ANKRD44: variants seen among roughly 807,000 people sequenced by gnomAD.
The protein encoded by ANKRD44 is serine/threonine-protein phosphatase 6 regulatory ankyrin repeat subunit B.
A neutral mutation model predicts 116.0 loss-of-function variants in ANKRD44; 35 were observed. The ratio of observed to expected loss-of-function variants is 0.30; its 90% CI spans 0.23 to 0.40. The LOEUF (loss-of-function observed/expected upper bound fraction) is 0.40. ANKRD44 is among the 10% of genes least tolerant of loss of function. The pLI, the probability that ANKRD44 is intolerant of heterozygous loss-of-function variation, is 1.00. For missense variants in ANKRD44, 1,014 were observed against 1,242.6 expected, an observed-to-expected ratio of 0.82 and a Z score of 2.77; for synonymous variants, 435 against 461.8, an observed-to-expected ratio of 0.94 and a Z score of 0.74.
intron 1 of ANKRD44, among the ~76,000 whole-genome samples, chr2:197,303,319 C>A (rs1255211646): frequency 2.0e-5 from 3 of 152,214 alleles, no homozygotes; most frequent in Non-Finnish European, 2.9e-5. Context: ...AGAGAATTTT[C>A]TACCTGTTCC....
chr2:197,110,916 T>C, intron 8 of ANKRD44, 72 bp from the exon 9 acceptor site: 1 of 993,154 alleles, frequency 1.0e-6, no homozygotes, highest in Admixed American at 1.7e-5. Flanking sequence ...GAAATACCCC[T>C]ATGGACACTC....
rs879844362 is a variant in ANKRD44, at chr2:197,272,695, A to ATG, written c.27+37882_27+37883insCA. On this transcript the variant is annotated intron_variant, in intron 1 of 27. Transcript: ENST00000282272. The stretch of plus-strand genomic sequence containing the variant: ...CTGCCATTATGAAATAGACCCAGAG[A>ATG]GCTCCCTCACCCCTTCCATCATGTG... Among the ~76,000 whole-genome samples the ATG allele has an allele frequency of 2.8e-3, 431 of 152,272 alleles. 1 individual carries two copies. Among genetic ancestry groups the ATG allele is most frequent in the Non-Finnish European group, 4.6e-3 (311 of 68,032 alleles).
chr2:197,033,444 A>C (rs2124905024), intron 16 of ANKRD44, among the ~76,000 whole-genome samples: 1 of 152,288 alleles, frequency 6.6e-6, no homozygotes, highest in African/African-American at 2.4e-5. Context: ...GCCTTACATG[A>C]ATCATCTCAA....
At chr2:196,991,001 T>C (rs1302193135) in intron 27 of ANKRD44, 6 of 1,154,764 alleles carry the variant, frequency 5.2e-6, no homozygotes, top group Non-Finnish European at 6.5e-6. Context: ...CCACAGTACA[T>C]CTCGGATGAT....
At chr2:196,994,270 CCTT>C (rs1246387453) in intron 26 of ANKRD44, among the ~76,000 whole-genome samples, 1 of 151,994 alleles carries the variant, frequency 6.6e-6, no homozygotes, top group African/African-American at 2.4e-5. Context: ...GCAGCCTTGA[CCTT>C]CTGCTGGGCT....
rs1042866588 is a variant in ANKRD44, at chr2:196,993,622, G to A, written c.2884C>T (p.Leu962=). Reference sequence around the variant, plus strand: ...GCAAGTACACAGGCCCCTTTGGCCAGCAACTCCTCAACTACCACCTTTAAG... The same window carrying A: ...GCAAGTACACAGGCCCCTTTGGCCAACAACTCCTCAACTACCACCTTTAAG... ...NGLKVVVEEL[L]AKGACVLAVD... The change falls in exon 27 of 28, where the codon CTG becomes TTG. Residue 962 remains leucine, a synonymous_variant. Transcript: ENST00000282272. 1 of 1,550,958 alleles carries A rather than the reference G, an allele frequency of 6.4e-7. No individual in the cohort carries two copies. Among genetic ancestry groups the A allele is most frequent in the African/African-American group, 1.4e-5 (1 of 73,050 alleles).
At chr2:197,155,394 T>TATATTTCATTATATGCTAATGAATTA (rs1282509249) in intron 2 of ANKRD44, among the ~76,000 whole-genome samples, 88 of 152,350 alleles carry the variant, frequency 5.8e-4, no homozygotes, top group Non-Finnish European at 9.4e-4. Flanking sequence ...ACAATGAAAG[T>TATATTTCATTATATGCTAATGAATTA]TATTCTCCAT....
At chr2:197,209,615 T>G (rs1390648258) in intron 1 of ANKRD44, among the ~76,000 whole-genome samples, 2 of 152,236 alleles carry the variant, frequency 1.3e-5, no homozygotes, top group East Asian at 3.8e-4. Context: ...CGTTCCAGTT[T>G]AGGAGAAATC....
intron 1 of ANKRD44, among the ~76,000 whole-genome samples, chr2:197,229,160 A>G (rs1256208689): frequency 6.6e-6 from 1 of 152,234 alleles, no homozygotes; most frequent in Non-Finnish European, 1.5e-5. Context: ...GAATCACAAA[A>G]AGTTAAGGCA....
chr2:197,238,988 G>C (rs1037254702), intron 1 of ANKRD44, among the ~76,000 whole-genome samples: 1 of 151,904 alleles, frequency 6.6e-6, no homozygotes, highest in African/African-American at 2.4e-5. Context: ...TGTACCCCTC[G>C]GCTGGGAGTA....
chr2:197,267,765 G>A (rs917093054), intron 1 of ANKRD44, among the ~76,000 whole-genome samples: 2 of 152,212 alleles, frequency 1.3e-5, no homozygotes, highest in African/African-American at 2.4e-5. Flanking sequence ...ACCAGGAGTG[G>A]AGGGAAGACT....
chr2:196,967,197 T>G (rs2075678378), exon 22 of ANKRD44: 1 of 229,822 alleles, frequency 4.4e-6, no homozygotes, highest in Non-Finnish European at 9.4e-6. Flanking sequence ...CCTTGCCTTC[T>G]GTTTTCTAAG....
chr2:197,161,762 T>C (rs929222329), intron 2 of ANKRD44, among the ~76,000 whole-genome samples: 6 of 152,236 alleles, frequency 3.9e-5, no homozygotes, highest in Non-Finnish European at 7.3e-5. Flanking sequence ...TGTGAAAAAC[T>C]GATTATTTTT....
intron 10 of ANKRD44, among the ~76,000 whole-genome samples, chr2:197,092,698 C>T (rs1349906668): frequency 6.6e-6 from 1 of 152,124 alleles, no homozygotes; most frequent in Non-Finnish European, 1.5e-5. Context: ...GTAATTGCCT[C>T]GCTCATCATT....
At chr2:196,967,672 A>C (rs555974757) in intron 21 of ANKRD44, among the ~76,000 whole-genome samples, 12 of 152,328 alleles carry the variant, frequency 7.9e-5, no homozygotes, top group South Asian at 4.1e-4. Context: ...GCAATAAACA[A>C]TGTAGGACTC....
At chr2:197,238,830 G>A (rs1015766234) in intron 1 of ANKRD44, among the ~76,000 whole-genome samples, 3 of 151,892 alleles carry the variant, frequency 2.0e-5, no homozygotes, top group Non-Finnish European at 4.4e-5. Flanking sequence ...TCAGCCTCCC[G>A]GGTAGCTGGG....
chr2:197,168,665 G>T (rs535735820), intron 2 of ANKRD44, among the ~76,000 whole-genome samples: 13 of 152,078 alleles, frequency 8.5e-5, no homozygotes, highest in Non-Finnish European at 1.9e-4. Flanking sequence ...TGCTCAGGCT[G>T]GGAACTCAGG....
intron 1 of ANKRD44, among the ~76,000 whole-genome samples, chr2:197,245,559 G>C (rs543404037): frequency 6.6e-6 from 1 of 152,124 alleles, no homozygotes; most frequent in African/African-American, 2.4e-5. Flanking sequence ...AAAATTGAGG[G>C]TACTCATTTA....
chr2:197,037,460 C>T (rs1423387876), intron 16 of ANKRD44, among the ~76,000 whole-genome samples: 1 of 152,168 alleles, frequency 6.6e-6, no homozygotes, highest in Non-Finnish European at 1.5e-5. Context: ...AGGGACTACC[C>T]ATACTATGTA....
Sources: gnomAD v4.1 joint callset for allele counts (sites outside exome capture counted in the v4.1 genomes callset) on GRCh38, gnomAD v4.1.1 for gene constraint, MANE v1.5 for transcripts, NCBI Gene and HGNC (gene_info 2026-07-23, HGNC 2026-07-21) for gene names.